Variants in PREX2 observed in about 807,000 individuals in gnomAD.
PREX2 encodes the protein phosphatidylinositol 3,4,5-trisphosphate-dependent Rac exchanger 2 protein.
In PREX2, 107 loss-of-function variants were observed where a neutral mutation model predicts 203.2. The ratio of observed to expected loss-of-function variants is 0.53; its 90% confidence interval spans 0.45 to 0.62. PREX2 has a LOEUF of 0.62. Among genes scored for constraint, PREX2 ranks in the 20% least tolerant of loss-of-function variants. The pLI is 0.00. For missense variants in PREX2, 1,777 were observed against 1,955.9 expected, an observed-to-expected ratio of 0.91 and a Z score of 1.72; for synonymous variants, 672 against 663.6, an observed-to-expected ratio of 1.01 and a Z score of -0.19.
chr8:68,033,070 A>C (rs955557649), intron 6 of PREX2, among the ~76,000 whole-genome samples: 1 of 152,064 alleles, frequency 6.6e-6, no homozygotes, highest in African/African-American at 2.4e-5. Context: ...TTATCTGGGG[A>C]CTTGCTTCAC....
intron 1 of PREX2, among the ~76,000 whole-genome samples, chr8:67,973,088 T>C (rs1805971582): frequency 6.6e-6 from 1 of 152,144 alleles, no homozygotes; most frequent in Non-Finnish European, 1.5e-5. Flanking sequence ...GATTTCTGTT[T>C]CTAAGTGTCA....
intron 39 of PREX2, among the ~76,000 whole-genome samples, chr8:68,230,354 G>A (rs1174172507): frequency 6.6e-6 from 1 of 152,218 alleles, no homozygotes; most frequent in Non-Finnish European, 1.5e-5. Flanking sequence ...ATGCCATGTG[G>A]AAATCTGCAG....
chr8:67,970,378 A>G lies in PREX2; in HGVS notation c.141+17843A>G, dbSNP rs1468204404. On this transcript the variant is annotated intron_variant, in intron 1 of 39. Coordinates refer to ENST00000288368, the MANE Select transcript of PREX2 (RefSeq NM_024870.4). Reference sequence around the variant, plus strand: ...AATGAGAACTATTCCTATTCATATGAAGAAATAGTGTAATGACCATCAGCC... The same window carrying G: ...AATGAGAACTATTCCTATTCATATGGAGAAATAGTGTAATGACCATCAGCC... 2.6e-5 allele frequency among the ~76,000 whole-genome samples: 4 copies of G among 152,224 alleles called. No individual in the cohort carries two copies. The East Asian group carries it at 7.7e-4, about 29-fold the overall frequency.
intron 35 of PREX2, among the ~76,000 whole-genome samples, chr8:68,182,491 T>G (rs1254306942): frequency 2.0e-5 from 3 of 152,250 alleles, no homozygotes; most frequent in Middle Eastern, 3.4e-3. Flanking sequence ...AGCTAATATT[T>G]ATAAGCTTAA....
intron 8 of PREX2, 48 bp from the exon 9 acceptor site, chr8:68,053,049 T>C (rs769870698): frequency 2.0e-6 from 3 of 1,534,324 alleles, no homozygotes; most frequent in African/African-American, 1.4e-5. Flanking sequence ...GATATAATAA[T>C]ATTGTGTATT....
chr8:68,038,379 A>C (rs2129610729), intron 7 of PREX2, 87 bp downstream of exon 7: 1,765 of 1,346,278 alleles, frequency 1.3e-3, no homozygotes, highest in Non-Finnish European at 1.6e-3. Flanking sequence ...TATCCAGCTC[A>C]CAGTTTCTAC....
At chr8:68,036,978 A>AT (rs1319616494) in intron 6 of PREX2, among the ~76,000 whole-genome samples, 3 of 152,266 alleles carry the variant, frequency 2.0e-5, no homozygotes, top group Admixed American at 2.0e-4. Context: ...AATGTCTAAA[A>AT]TTTGCAATAC....
At chr8:68,091,145 G>T (rs751645713) in intron 20 of PREX2, among the ~76,000 whole-genome samples, 4 of 152,086 alleles carry the variant, frequency 2.6e-5, no homozygotes, top group Admixed American at 1.3e-4. Context: ...GTTTTATAAG[G>T]TCCATGATTG....
chr8:68,041,404 A>T (rs1808194789), intron 7 of PREX2, among the ~76,000 whole-genome samples: 1 of 152,184 alleles, frequency 6.6e-6, no homozygotes. Flanking sequence ...TAATTCTGCC[A>T]TGTGGATTGT....
chr8:68,033,286 C>A (rs1052734379), intron 6 of PREX2, among the ~76,000 whole-genome samples: 1 of 152,034 alleles, frequency 6.6e-6, no homozygotes, highest in Non-Finnish European at 1.5e-5. Flanking sequence ...TGGACTCTAA[C>A]CCTTTGTTTG....
chr8:67,968,280 C>G (rs1479576853), intron 1 of PREX2, among the ~76,000 whole-genome samples: 3 of 152,086 alleles, frequency 2.0e-5, no homozygotes, highest in Non-Finnish European at 2.9e-5. Context: ...TTCCCTTTCT[C>G]CTTAGCATCC....
intron 8 of PREX2, among the ~76,000 whole-genome samples, chr8:68,050,675 T>A (rs1403763874): frequency 6.6e-6 from 1 of 152,152 alleles, no homozygotes; most frequent in Non-Finnish European, 1.5e-5. Flanking sequence ...ATGTGATCAA[T>A]CACATGCTCA....
intron 1 of PREX2, among the ~76,000 whole-genome samples, chr8:67,976,458 GA>G (rs1191593096): frequency 2.0e-5 from 3 of 149,620 alleles, no homozygotes; most frequent in African/African-American, 7.4e-5. Context: ...CAGAGAGAGA[GA>G]GAGAGACAGA....
At chr8:68,160,999 A>AATCC (rs748479734) in intron 35 of PREX2, among the ~76,000 whole-genome samples, 1 of 152,182 alleles carries the variant, frequency 6.6e-6, no homozygotes, top group African/African-American at 2.4e-5. Context: ...CTTATAAACA[A>AATCC]ATCCATCCAA....
intron 1 of PREX2, among the ~76,000 whole-genome samples, chr8:68,006,884 A>G (rs1807113481): frequency 6.6e-6 from 1 of 152,228 alleles, no homozygotes; most frequent in Non-Finnish European, 1.5e-5. Flanking sequence ...GTGGTTATGT[A>G]ACAAAACTCA....
chr8:67,960,340 C>T (rs1469161599), intron 1 of PREX2, among the ~76,000 whole-genome samples: 1 of 152,118 alleles, frequency 6.6e-6, no homozygotes, highest in African/African-American at 2.4e-5. Context: ...CGGTGCCCGG[C>T]CGGAAGTGGT....
At chr8:68,057,153 T>A (rs1808705171) in intron 10 of PREX2, among the ~76,000 whole-genome samples, 1 of 152,080 alleles carries the variant, frequency 6.6e-6, no homozygotes, top group Non-Finnish European at 1.5e-5. Flanking sequence ...GGTGAGTGAA[T>A]TCTCATGACA....
chr8:68,081,301 T>C (rs1021231260), intron 17 of PREX2, among the ~76,000 whole-genome samples: 4 of 151,988 alleles, frequency 2.6e-5, no homozygotes, highest in African/African-American at 9.7e-5. Flanking sequence ...TGACAGGAGG[T>C]GGAGCTCAGG....
chr8:67,953,192 G>A (rs900832987), intron 1 of PREX2, among the ~76,000 whole-genome samples: 4 of 59,906 alleles, frequency 6.7e-5, no homozygotes, highest in Non-Finnish European at 1.5e-4. Context: ...CCCCCGCCCC[G>A]GCTTAAATCT....
Sources: gnomAD v4.1 joint callset for allele counts (sites outside exome capture counted in the v4.1 genomes callset) on GRCh38, gnomAD v4.1.1 for gene constraint, MANE v1.5 for transcripts, NCBI Gene and HGNC (gene_info 2026-07-23, HGNC 2026-07-21) for gene names.